CHST10: variants seen among roughly 807,000 people sequenced by gnomAD.
CHST10 encodes the protein HNK-1 sulfotransferase.
In CHST10, 24 loss-of-function variants were observed where a neutral mutation model predicts 34.7. The ratio of observed to expected loss-of-function variants is 0.69; its 90% confidence interval spans 0.50 to 0.97. The LOEUF (loss-of-function observed/expected upper bound fraction) is 0.97. Ranked by LOEUF, CHST10 falls within the 50% of genes least tolerant of loss-of-function variation. The probability of loss-of-function intolerance (pLI) is 0.00; values close to 1 mark genes in which losing one functional copy is unlikely to be tolerated. For missense variants in CHST10, 402 were observed against 452.1 expected (o/e 0.89, Z 1.00); for synonymous variants, 161 against 169.3 (o/e 0.95, Z 0.38).
At chr2:100,403,912 T>C (rs1051010521) in intron 3 of CHST10, among the ~76,000 whole-genome samples, 2 of 152,184 alleles carry the variant, frequency 1.3e-5, no homozygotes, top group African/African-American at 4.8e-5. Context: ...ACACACTCTC[T>C]AAAGCACAGT....
In CHST10 at chr2:100,413,947, C is replaced by A. The variant is rs148403572; in HGVS notation, c.-33+1094G>T. ...ACCAAAGCCCTCCTCTGAGCCGGGG[C>A]TGTTCTAGGCCCTGGGGATATAGCA... On this transcript the variant is annotated intron_variant, in intron 2 of 6. Transcript: ENST00000264249. Among the ~76,000 whole-genome samples the A allele has an allele frequency of 3.9e-3, 598 of 152,304 alleles. 2 individuals are homozygous for A. The highest frequency in any genetic ancestry group is 0.014 in the African/African-American group (561 of 41,542).
rs1279828524 is a variant in CHST10 at position 100,415,935 on chromosome 2, G to C, written c.-103-824C>G. The C allele has an allele frequency of 3.9e-5, 6 of 152,170 alleles. No homozygotes were observed. The East Asian group carries it at 1.2e-3, about 29-fold the overall frequency. 9.4% of individuals were successfully genotyped at this position (152,170 alleles called of 1,614,324 possible). A position where few individuals can be genotyped will look rare whatever the true frequency, so the allele number is the denominator to read the frequency against. ...TCTATTGCTCCCGGGCTACTAACTT[G>C]TACTGCTGTTACTGTACTGAATACT... On this transcript the variant is annotated intron_variant, in intron 1 of 6. Transcript: ENST00000264249.
chr2:100,406,687 G>T lies in CHST10; in HGVS notation c.-12C>A. 6.2e-7 allele frequency: 1 copy of T among 1,612,828 alleles called. No individual in the cohort carries two copies. The highest frequency in any genetic ancestry group is 1.7e-5 in the Admixed American group (1 of 59,974). On this transcript the variant is annotated 5_prime_UTR_variant, in exon 3 of 7. Transcript: ENST00000264249. Reference sequence around the variant, plus strand: ...CACTGGTGGTGCATGTTGTCACACCGCAGCCATTCACTGACTCTTCCTGGA... The same window carrying T: ...CACTGGTGGTGCATGTTGTCACACCTCAGCCATTCACTGACTCTTCCTGGA...
rs1484856051 is a variant in CHST10 at position 100,417,585 on chromosome 2, G to C, written c.-315C>G. The C allele has an allele frequency of 6.6e-6, 1 of 151,624 alleles. No homozygotes were observed. Among genetic ancestry groups the C allele is most frequent in the Non-Finnish European group, 1.5e-5 (1 of 67,898 alleles). 9.4% of individuals were successfully genotyped at this position (151,624 alleles called of 1,614,324 possible). A position where few individuals can be genotyped will look rare whatever the true frequency, so the allele number is the denominator to read the frequency against. ...GCAGCGGAAGTAAGGAAGACGCCCG[G>C]CGCGCTAGACCGGCTTTGGGGGCCA... On this transcript the variant is annotated 5_prime_UTR_variant, in exon 1 of 7. Coordinates refer to ENST00000264249, the MANE Select transcript of CHST10 (RefSeq NM_004854.5).
chr2:100,402,622 G>A lies in CHST10; in HGVS notation c.134C>T (p.Thr45Ile). 1 of 1,613,992 alleles carries A rather than the reference G, an allele frequency of 6.2e-7. No homozygotes were observed. Among genetic ancestry groups the A allele is most frequent in the Non-Finnish European group, 8.5e-7 (1 of 1,179,922 alleles). ...YSAKQEFLFL[T>I]TMPEVRKLPE... ...CAACTTCCTCACTTCCGGCATGGTT[G>A]TCAGGAACAGAAACTCCTGTTTGGC... The change falls in exon 4 of 7, where the codon ACA (threonine) becomes ATA (isoleucine). Residue 45 changes from threonine to isoleucine, a missense_variant. Coordinates refer to ENST00000264249, the MANE Select transcript of CHST10 (RefSeq NM_004854.5).
chr2:100,417,010 T>C, intron 1 of CHST10: 4 of 1,304,316 alleles, frequency 3.1e-6, no homozygotes, highest in Non-Finnish European at 4.0e-6. Flanking sequence ...ATGCTCCTTC[T>C]TCCCTGCCTT....
chr2:100,405,079 C>T (rs1180305941), intron 3 of CHST10, among the ~76,000 whole-genome samples: 1 of 152,232 alleles, frequency 6.6e-6, no homozygotes, highest in Non-Finnish European at 1.5e-5. Context: ...GGCTCTAGGG[C>T]TTCAGGAGGG....
At chr2:100,400,862 G>A (rs757513508) in intron 4 of CHST10, among the ~76,000 whole-genome samples, 17 of 151,996 alleles carry the variant, frequency 1.1e-4, no homozygotes, top group Non-Finnish European at 2.4e-4. Flanking sequence ...GTATTTTTTA[G>A]TAGAAATGGG....
chr2:100,400,177 T>C (rs570055025), intron 4 of CHST10, among the ~76,000 whole-genome samples: 10 of 152,354 alleles, frequency 6.6e-5, no homozygotes, highest in South Asian at 4.1e-4. Context: ...TTTTAGATAC[T>C]GCTTTTCTTT....
Position 100,395,438 on chromosome 2 carries a change from T to C in CHST10, c.533+71A>G. The C allele has an allele frequency of 2.9e-6, 4 of 1,372,636 alleles. No individual in the cohort carries two copies. In the South Asian group the frequency reaches 4.7e-5, roughly 16 times the overall value. The allele number at this position is 1,372,636 out of a possible 1,614,324, so 85.0% of individuals were successfully genotyped here. ...AATCTGCCAAGTACAGAACTCAGCC[T>C]GGGGTTTTCCCCAAATTTCTTCTCA... On this transcript the variant is annotated intron_variant, in intron 6 of 6. Transcript: ENST00000264249.
chr2:100,413,968 T>C (rs1271593239), intron 2 of CHST10, among the ~76,000 whole-genome samples: 3 of 152,138 alleles, frequency 2.0e-5, no homozygotes, highest in African/African-American at 4.8e-5. Flanking sequence ...CCTGGGGATA[T>C]AGCAACACAC....
chr2:100,395,402 G>T, intron 6 of CHST10, 107 bp downstream of exon 6: 1 of 908,244 alleles, frequency 1.1e-6, no homozygotes, highest in Non-Finnish European at 1.7e-6. Flanking sequence ...GCCCTCTGTG[G>T]TCCTCCGATC....
chr2:100,406,257 C>A (rs999806637), intron 3 of CHST10, among the ~76,000 whole-genome samples: 1 of 152,190 alleles, frequency 6.6e-6, no homozygotes, highest in African/African-American at 2.4e-5. Flanking sequence ...CTGAGAGGCG[C>A]CCTGCTGCAA....
intron 2 of CHST10, 39 bp from the exon 3 acceptor site, chr2:100,406,746 T>C (rs751120394): frequency 1.9e-6 from 3 of 1,567,328 alleles, no homozygotes; most frequent in East Asian, 4.8e-5. Context: ...TGCTTACAAA[T>C]ACATCAAGTC....
intron 3 of CHST10, among the ~76,000 whole-genome samples, chr2:100,405,159 G>T (rs781257616): frequency 2.0e-5 from 3 of 152,214 alleles, no homozygotes; most frequent in Admixed American, 6.5e-5. Context: ...TGAGATCATC[G>T]TGTCACATTC....
chr2:100,395,932 T>A (rs894917999), intron 5 of CHST10, among the ~76,000 whole-genome samples: 1 of 152,248 alleles, frequency 6.6e-6, no homozygotes, highest in East Asian at 1.9e-4. Context: ...AAATCTGCCA[T>A]TAGAGGAAGA....
At chr2:100,401,086 C>A (rs1675319643) in intron 4 of CHST10, among the ~76,000 whole-genome samples, 1 of 152,208 alleles carries the variant, frequency 6.6e-6, no homozygotes, top group Non-Finnish European at 1.5e-5. Context: ...CGGCATGTGG[C>A]CTCAGCGGAC....
intron 5 of CHST10, 142 bp from the exon 6 acceptor site, chr2:100,395,756 G>T: frequency 1.8e-6 from 1 of 553,538 alleles, no homozygotes; most frequent in Non-Finnish European, 3.2e-6. Flanking sequence ...CCAAGTTTAG[G>T]TCTTTGAATT....
At chr2:100,399,259 A>G (rs1282025715) in intron 4 of CHST10, among the ~76,000 whole-genome samples, 2 of 152,096 alleles carry the variant, frequency 1.3e-5, no homozygotes, top group Non-Finnish European at 2.9e-5. Flanking sequence ...GCCCACCACC[A>G]TGCCTGGCTA....
Sources: gnomAD v4.1 joint callset for allele counts (sites outside exome capture counted in the v4.1 genomes callset) on GRCh38, gnomAD v4.1.1 for gene constraint, MANE v1.5 for transcripts, NCBI Gene and HGNC (gene_info 2026-07-23, HGNC 2026-07-21) for gene names.